The following EPHX4 variants were observed in gnomAD, a reference collection of about 807,000 sequenced individuals.
EPHX4 encodes the protein abhydrolase domain containing 7.
In EPHX4, 31 loss-of-function variants were observed where a neutral mutation model predicts 44.9. The ratio of observed to expected loss-of-function variants is 0.69; its 90% CI spans 0.52 to 0.93. The LOEUF (loss-of-function observed/expected upper bound fraction) is 0.93. EPHX4 is among the 40% of genes least tolerant of loss of function. EPHX4 has a pLI of 0.00. For synonymous variants in EPHX4, 151 were observed against 159.7 expected (o/e 0.95, Z 0.41); for missense variants, 373 against 438.1 (o/e 0.85, Z 1.33).
At chr1:92,032,353 A>G in intron 1 of EPHX4, 152 bp from the exon 2 acceptor site, 1 of 597,930 alleles carries the variant, frequency 1.7e-6, no homozygotes, top group South Asian at 2.2e-5. Flanking sequence ...GATGTTAAAA[A>G]TAAGGCAACT....
intron 6 of EPHX4, among the ~76,000 whole-genome samples, chr1:92,061,834 A>G (rs556985676): frequency 6.6e-6 from 1 of 152,352 alleles, no homozygotes; most frequent in East Asian, 1.9e-4. Flanking sequence ...AAGAATATGC[A>G]TAGAAAATGC....
chr1:92,053,063 A>G (rs1420335963), intron 6 of EPHX4, among the ~76,000 whole-genome samples: 1 of 152,200 alleles, frequency 6.6e-6, no homozygotes, highest in Non-Finnish European at 1.5e-5. Context: ...ATCTCACAAA[A>G]CTTGTAGCCT....
chr1:92,061,232 T>G (rs1051395734), intron 6 of EPHX4, among the ~76,000 whole-genome samples: 7 of 152,136 alleles, frequency 4.6e-5, no homozygotes, highest in Admixed American at 4.6e-4. Context: ...TTTCTATCAA[T>G]TTACCCATTT....
intron 2 of EPHX4, among the ~76,000 whole-genome samples, chr1:92,033,279 G>A (rs1204944984): frequency 1.4e-4 from 21 of 152,172 alleles, no homozygotes; most frequent in Admixed American, 6.5e-5. Context: ...ATTCCTAAAT[G>A]TTCCTGAATC....
At chr1:92,057,103 G>A (rs1000811014) in intron 6 of EPHX4, among the ~76,000 whole-genome samples, 2 of 151,954 alleles carry the variant, frequency 1.3e-5, no homozygotes, top group Non-Finnish European at 2.9e-5. Flanking sequence ...GAAAATCAGT[G>A]AGATAAGAGT....
intron 2 of EPHX4, among the ~76,000 whole-genome samples, chr1:92,034,940 G>A (rs920750216): frequency 6.6e-6 from 1 of 152,118 alleles, no homozygotes; most frequent in Admixed American, 6.6e-5. Context: ...CACTGCACCC[G>A]ACCCACTTTA....
At chr1:92,030,349 C>G (rs894736481) in intron 1 of EPHX4, 39 bp downstream of exon 1, 4 of 1,446,664 alleles carry the variant, frequency 2.8e-6, no homozygotes, top group Non-Finnish European at 2.7e-6. Flanking sequence ...CGGGAGGGAG[C>G]GTGACCGCCG....
chr1:92,036,669 T>A (rs1688443466), intron 2 of EPHX4, among the ~76,000 whole-genome samples: 1 of 152,210 alleles, frequency 6.6e-6, no homozygotes, highest in African/African-American at 2.4e-5. Context: ...GAAAGAACAT[T>A]GGTAGAATTT....
Position 92,030,233 on chromosome 1 carries a change from C to G in EPHX4, c.154C>G (p.Arg52Gly), listed in dbSNP as rs1317786690. Reference protein sequence around the residue: ...SLGKGPAQTFRRPAREHPPAC... With the variant: ...SLGKGPAQTFGRPAREHPPAC... The stretch of plus-strand genomic sequence containing the variant: ...CGGCAAGGGGCCGGCGCAGACCTTC[C>G]GGCGGCCCGCCCGGGAGCACCCTCC... The change falls in exon 1 of 7, where the codon CGG becomes GGG. Residue 52 changes from arginine (R) to glycine (G), a missense_variant. Coordinates refer to ENST00000370383, the MANE Select transcript of EPHX4 (RefSeq NM_173567.5). The G allele has an allele frequency of 1.2e-6, 2 of 1,603,686 alleles. No individual in the cohort carries two copies. The highest frequency in any genetic ancestry group is 2.2e-5 in the South Asian group (2 of 89,488).
intron 4 of EPHX4, among the ~76,000 whole-genome samples, chr1:92,047,399 CAAAA>C (rs572683255): frequency 3.6e-5 from 4 of 111,440 alleles, no homozygotes; most frequent in Non-Finnish European, 7.7e-5. Flanking sequence ...GACCCTGTCT[CAAAA>C]AAAAAAAAAA....
chr1:92,040,997 G>A, intron 2 of EPHX4, among the ~76,000 whole-genome samples: 1 of 151,422 alleles, frequency 6.6e-6, no homozygotes, highest in Non-Finnish European at 1.5e-5. Flanking sequence ...TTTTTTTAAT[G>A]CATATTTTGA....
chr1:92,041,103 T>C (rs1178001458), intron 2 of EPHX4, among the ~76,000 whole-genome samples: 1 of 152,106 alleles, frequency 6.6e-6, no homozygotes, highest in African/African-American at 2.4e-5. Flanking sequence ...GAAAATCTTA[T>C]GGATCTCTCT....
At chr1:92,030,456 T>TTGTGTG in intron 1 of EPHX4, 146 bp downstream of exon 1, 2 of 270,772 alleles carry the variant, frequency 7.4e-6, no homozygotes, top group East Asian at 9.5e-5. Context: ...TCCCTGTGTG[T>TTGTGTG]CGTGTGTGTG....
intron 6 of EPHX4, among the ~76,000 whole-genome samples, chr1:92,061,504 A>G (rs981611357): frequency 6.6e-6 from 1 of 152,216 alleles, no homozygotes; most frequent in African/African-American, 2.4e-5. Flanking sequence ...AGCTTAAAAA[A>G]TATTTGTTCC....
chr1:92,037,555 G>A (rs530557562), intron 2 of EPHX4, among the ~76,000 whole-genome samples: 1 of 152,266 alleles, frequency 6.6e-6, no homozygotes, highest in Non-Finnish European at 1.5e-5. Flanking sequence ...ATTTCTTTGA[G>A]TCGTCTTCGT....
chr1:92,061,547 G>C (rs1647495269), intron 6 of EPHX4, among the ~76,000 whole-genome samples: 1 of 152,152 alleles, frequency 6.6e-6, no homozygotes, highest in African/African-American at 2.4e-5. Flanking sequence ...CTAGGCTATA[G>C]CTCAAAGGGA....
chr1:92,038,017 G>A (rs1688464966), intron 2 of EPHX4, among the ~76,000 whole-genome samples: 1 of 152,078 alleles, frequency 6.6e-6, no homozygotes, highest in African/African-American at 2.4e-5. Context: ...ATGAACTTCA[G>A]GAAGATGACA....
chr1:92,030,406 C>A (rs1688340633), intron 1 of EPHX4, 96 bp downstream of exon 1: 5 of 1,135,980 alleles, frequency 4.4e-6, no homozygotes, highest in East Asian at 5.4e-5. Flanking sequence ...GCTGGCTCAG[C>A]GTCCCCTAGT....
At position 92,034,334 on chromosome 1, in the gene EPHX4, C is replaced by A. The variant is rs969451163; in HGVS notation, c.317+1744C>A. Among the ~76,000 whole-genome samples, 9 of 146,610 alleles carry A rather than the reference C, an allele frequency of 6.1e-5. No individual in the cohort carries two copies. The East Asian group carries it at 1.6e-3, about 26-fold the overall frequency. The stretch of plus-strand genomic sequence containing the variant: ...AAAAAAAAAAAAGGGTGGTACATAT[C>A]ATGGCAGTAAAAGAAAACCAGTTTT... On this transcript the variant is annotated intron_variant, in intron 2 of 6. Transcript: ENST00000370383.
Sources: allele counts gnomAD v4.1 joint callset (sites outside exome capture counted in the v4.1 genomes callset), GRCh38; gene constraint gnomAD v4.1.1; transcripts MANE v1.5; gene names NCBI Gene and HGNC (gene_info 2026-07-23, HGNC 2026-07-21).